The following TPTE variants were observed in gnomAD, a reference collection of about 807,000 sequenced individuals.
TPTE encodes transmembrane phosphatase with tensin homology.
A neutral mutation model predicts 84.1 loss-of-function variants in TPTE; 59 were observed. The observed-to-expected ratio is 0.70, with a 90% CI of 0.57 to 0.87. The LOEUF (loss-of-function observed/expected upper bound fraction) is 0.87, where lower values mean the gene tolerates loss of function less well. TPTE is among the 40% of genes least tolerant of loss of function. TPTE has a pLI of 0.00. For synonymous variants in TPTE, 130 were observed against 223.5 expected (o/e 0.58, Z 3.73); for missense variants, 382 against 659.6 (o/e 0.58, Z 4.61).
At chr21:10,566,934 G>T (rs962329938) in intron 10 of TPTE, among the ~76,000 whole-genome samples, 2 of 149,278 alleles carry the variant, frequency 1.3e-5, no homozygotes, top group African/African-American at 5.0e-5. Flanking sequence ...CCGAGATCAC[G>T]CCATTGCACT....
At chr21:10,555,310 G>A (rs1339319836) in intron 8 of TPTE, among the ~76,000 whole-genome samples, 1 of 152,288 alleles carries the variant, frequency 6.6e-6, no homozygotes, top group South Asian at 2.1e-4. Context: ...AGGTTCAAGC[G>A]ATTCTCCTGC....
intron 7 of TPTE, among the ~76,000 whole-genome samples, chr21:10,547,777 A>G (rs1213498842): frequency 6.6e-6 from 1 of 152,308 alleles, no homozygotes; most frequent in Non-Finnish European, 1.5e-5. Context: ...GGTTGGTCCC[A>G]GGACTGGCTG....
At chr21:10,540,382 G>T (rs1219918541) in intron 4 of TPTE, among the ~76,000 whole-genome samples, 2 of 152,300 alleles carry the variant, frequency 1.3e-5, no homozygotes, top group African/African-American at 2.4e-5. Context: ...ATATTGTTTT[G>T]TTTTTTGGAT....
chr21:10,591,182 A>G (rs1413079578), intron 18 of TPTE, among the ~76,000 whole-genome samples: 2 of 152,428 alleles, frequency 1.3e-5, no homozygotes, highest in Admixed American at 6.5e-5. Context: ...GACCTCTAAA[A>G]ATTTCTGATA....
chr21:10,580,182 T>G (rs2075246135), intron 17 of TPTE, among the ~76,000 whole-genome samples: 2 of 152,430 alleles, frequency 1.3e-5, no homozygotes, highest in Admixed American at 1.3e-4. Context: ...TCAGGTTCTT[T>G]GCCCATTTTC....
intron 17 of TPTE, among the ~76,000 whole-genome samples, chr21:10,589,537 T>G (rs1442393119): frequency 6.6e-6 from 1 of 152,308 alleles, no homozygotes; most frequent in African/African-American, 2.4e-5. Flanking sequence ...TCCCCCAGTG[T>G]TGTCCTGCTC....
At chr21:10,542,774 G>A (rs868966757) in intron 6 of TPTE, among the ~76,000 whole-genome samples, 1 of 152,264 alleles carries the variant, frequency 6.6e-6, no homozygotes, top group Non-Finnish European at 1.5e-5. Flanking sequence ...TTTCCAATTC[G>A]TCTCATTGTA....
intron 4 of TPTE, among the ~76,000 whole-genome samples, chr21:10,539,089 G>T (rs2074320303): frequency 6.6e-6 from 1 of 152,310 alleles, no homozygotes; most frequent in Non-Finnish European, 1.5e-5. Flanking sequence ...TGCTTCCTAT[G>T]TTAGTGTATT....
chr21:10,521,889 GA>G (rs2073983640), intron 1 of TPTE, among the ~76,000 whole-genome samples, 195 bp downstream of exon 1: 1 of 152,280 alleles, frequency 6.6e-6, no homozygotes, highest in African/African-American at 2.4e-5. Flanking sequence ...AAAAGGCCGA[GA>G]AAAACTCCGC....
chr21:10,559,941 T>G (rs1337324311), intron 9 of TPTE, among the ~76,000 whole-genome samples: 1 of 151,194 alleles, frequency 6.6e-6, no homozygotes, highest in Non-Finnish European at 1.5e-5. Flanking sequence ...TACATATATA[T>G]ATATGAGACT....
intron 4 of TPTE, among the ~76,000 whole-genome samples, chr21:10,540,367 A>G (rs1348426321): frequency 6.6e-6 from 1 of 152,308 alleles, no homozygotes; most frequent in African/African-American, 2.4e-5. Context: ...TGAGCTTTGT[A>G]TGCAATATTG....
chr21:10,530,321 A>G (rs1468481534), intron 3 of TPTE, among the ~76,000 whole-genome samples: 2 of 152,426 alleles, frequency 1.3e-5, no homozygotes, highest in East Asian at 1.9e-4. Context: ...ACATATTGAC[A>G]TATACAGATA....
intron 18 of TPTE, 80 bp from the exon 19 acceptor site, chr21:10,592,213 C>G: frequency 6.3e-7 from 1 of 1,590,000 alleles, no homozygotes; most frequent in East Asian, 2.2e-5. Flanking sequence ...AGAAGGTGGG[C>G]GTAGAAACAC....
rs778188505 is a variant in TPTE at position 10,603,597 on chromosome 21, C to A, written c.1485C>A (p.Tyr495Ter). 3.1e-6 allele frequency: 5 copies of A among 1,612,302 alleles called. No individual in the cohort carries two copies. The South Asian group carries it at 4.4e-5, about 14-fold the overall frequency. The change falls in exon 23 of 24, where the codon TAC (tyrosine) becomes TAA (stop). Residue 495 changes from tyrosine to a stop codon, truncating the protein, a stop_gained. Transcript: ENST00000618007. LOFTEE classifies it high-confidence loss of function. ...CATACTATGACAATTGCTCATTTTA[C>A]TTCTGGTTGCACACATCTTTTATTG... ...LPTYYDNCSF[Y>*]FWLHTSFIEN... is the part of the protein sequence containing the mutation.
At position 10,605,444 on chromosome 21, in the gene TPTE, T is replaced by C. The variant is rs1979169650; in HGVS notation, c.1548T>C (p.Asp516=). 6.2e-7 allele frequency: 1 copy of C among 1,614,182 alleles called. No individual in the cohort carries two copies. Among genetic ancestry groups the C allele is most frequent in the Non-Finnish European group, 8.5e-7 (1 of 1,179,986 alleles). ...NRLYLPKNEL[D]NLHKQKARRI... is the part of the protein sequence containing the mutation. ...TTTATCTACCAAAAAATGAATTGGA[T>C]AATCTACATAAACAAAAAGCACGGA... Residue 516 remains aspartate, a synonymous_variant, in exon 24 of 24, where the codon GAT becomes GAC. Coordinates refer to ENST00000618007, the MANE Select transcript of TPTE (RefSeq NM_199261.4).
intron 3 of TPTE, among the ~76,000 whole-genome samples, chr21:10,535,587 T>C (rs1275744127): frequency 1.3e-5 from 2 of 152,310 alleles, no homozygotes; most frequent in Non-Finnish European, 2.9e-5. Context: ...AAGTTAGTAG[T>C]ATCCAATCCC....
chr21:10,529,813 A>G (rs1335551062), intron 3 of TPTE, among the ~76,000 whole-genome samples: 24 of 152,302 alleles, frequency 1.6e-4, no homozygotes, highest in Non-Finnish European at 2.9e-4. Context: ...ACTATTTTCA[A>G]TGTTCAGTAT....
At chr21:10,546,664 A>G (rs2074473527) in intron 7 of TPTE, among the ~76,000 whole-genome samples, 5 of 152,306 alleles carry the variant, frequency 3.3e-5, no homozygotes, top group Admixed American at 3.3e-4. Context: ...TCTGATTGCT[A>G]ATATGGAGAA....
At chr21:10,535,290 T>A (rs2074248045) in intron 3 of TPTE, among the ~76,000 whole-genome samples, 1 of 152,310 alleles carries the variant, frequency 6.6e-6, no homozygotes, top group Admixed American at 6.5e-5. Flanking sequence ...AAACAAGGAT[T>A]TATATACAAG....
Sources: gnomAD v4.1 joint callset for allele counts (sites outside exome capture counted in the v4.1 genomes callset) on GRCh38, gnomAD v4.1.1 for gene constraint, MANE v1.5 for transcripts, NCBI Gene and HGNC (gene_info 2026-07-23, HGNC 2026-07-21) for gene names.